RGSL1: variants seen among roughly 807,000 people sequenced by gnomAD.
RGSL1 encodes regulator of G protein signaling like 1.
RGSL1 carries 97 observed loss-of-function variants against 124.7 expected under a neutral mutation model. The observed-to-expected ratio is 0.78, with a 90% CI of 0.66 to 0.92. The LOEUF (loss-of-function observed/expected upper bound fraction) is 0.92. Ranked by LOEUF, RGSL1 falls within the 40% of genes least tolerant of loss-of-function variation. RGSL1 has a pLI of 0.00. For synonymous variants in RGSL1, 424 were observed against 438.1 expected, an observed-to-expected ratio of 0.97 and a Z score of 0.40; for missense variants, 1,233 against 1,288.4, an observed-to-expected ratio of 0.96 and a Z score of 0.66.
In RGSL1 at chr1:182,473,654, G is replaced by C; in HGVS notation, c.543G>C (p.Val181=). The C allele has an allele frequency of 6.4e-7, 1 of 1,551,704 alleles. No homozygotes were observed. Among genetic ancestry groups the C allele is most frequent in the South Asian group, 1.2e-5 (1 of 84,058 alleles). Residue 181 remains valine, a synonymous_variant, in exon 6 of 22, where the codon GTG becomes GTC. Coordinates refer to ENST00000294854, the MANE Select transcript of RGSL1 (RefSeq NM_001137669.2). The part of the protein sequence containing the change: ...RREILSHMQK[V]ALFKLQSYWL... Reference sequence around the variant, plus strand: ...AGATCCTGAGCCACATGCAGAAAGTGGCTCTGTTCAAACTCCAGAGCTATT... The same window carrying C: ...AGATCCTGAGCCACATGCAGAAAGTCGCTCTGTTCAAACTCCAGAGCTATT...
At chr1:182,463,757 A>G (rs1653045770) in intron 4 of RGSL1, among the ~76,000 whole-genome samples, 1 of 152,228 alleles carries the variant, frequency 6.6e-6, no homozygotes, top group Non-Finnish European at 1.5e-5. Context: ...AGACAATCCT[A>G]AAATAATCAT....
At chr1:182,525,498 T>C (rs1039432840) in intron 10 of RGSL1, among the ~76,000 whole-genome samples, 1 of 151,820 alleles carries the variant, frequency 6.6e-6, no homozygotes, top group Non-Finnish European at 1.5e-5. Context: ...ATAACTGAAA[T>C]GAAAAATTTA....
chr1:182,470,027 G>T (rs1275972218), intron 4 of RGSL1, among the ~76,000 whole-genome samples: 1 of 149,662 alleles, frequency 6.7e-6, no homozygotes, highest in African/African-American at 2.5e-5. Flanking sequence ...GGCAGTGACT[G>T]TTTAATGAGT....
At chr1:182,501,595 AGACGT>A (rs1175156600) in intron 9 of RGSL1, among the ~76,000 whole-genome samples, 32 of 152,008 alleles carry the variant, frequency 2.1e-4, no homozygotes, top group Admixed American at 1.9e-3. Context: ...CTGGGATTAC[AGACGT>A]GAGCCGCTAC....
chr1:182,554,619 C>G lies in RGSL1; in HGVS notation c.3131-8C>G. 6.4e-7 allele frequency: 1 copy of G among 1,551,404 alleles called. No homozygotes were observed. Among genetic ancestry groups the G allele is most frequent in the Non-Finnish European group, 8.7e-7 (1 of 1,146,862 alleles). ...CCTGATGCAATTTTTCTCTGTATTT[C>G]TCTTTAGCTTCATCAAGCAAACTTA... On this transcript the variant is annotated splice_region_variant and splice_polypyrimidine_tract_variant and intron_variant, in intron 19 of 21. Transcript: ENST00000294854.
intron 14 of RGSL1, among the ~76,000 whole-genome samples, chr1:182,536,861 C>T (rs796087550): frequency 6.6e-6 from 1 of 152,132 alleles, no homozygotes; most frequent in South Asian, 2.1e-4. Flanking sequence ...TATCTCCCAC[C>T]AGGTTCCTCC....
intron 9 of RGSL1, among the ~76,000 whole-genome samples, chr1:182,514,719 G>A (rs1049025976): frequency 6.6e-6 from 1 of 152,178 alleles, no homozygotes; most frequent in African/African-American, 2.4e-5. Flanking sequence ...CTAGGAGGGG[G>A]CAAGCATGAG....
At chr1:182,540,479 G>A (rs1033200909) in intron 15 of RGSL1, 58 bp downstream of exon 15, 1 of 1,479,186 alleles carries the variant, frequency 6.8e-7, no homozygotes, top group Non-Finnish European at 9.1e-7. Flanking sequence ...CCTTAGGACT[G>A]CCCAGCAGAA....
intron 9 of RGSL1, among the ~76,000 whole-genome samples, chr1:182,498,302 C>T (rs796626066): frequency 2.0e-5 from 3 of 152,254 alleles, no homozygotes; most frequent in African/African-American, 7.2e-5. Flanking sequence ...CATGCTCTTG[C>T]TTTTTTGTAT....
In RGSL1 at chr1:182,555,842, G is replaced by A. The variant is rs534037071; in HGVS notation, c.3198-182G>A. 5.2e-5 allele frequency: 32 copies of A among 619,372 alleles called. No individual in the cohort carries two copies. The South Asian group carries it at 5.3e-4, about 10-fold the overall frequency. The allele number at this position is 619,372 out of a possible 1,614,324, so 38.4% of individuals were successfully genotyped here. A position where few individuals can be genotyped will look rare whatever the true frequency, so the allele number is the denominator to read the frequency against. ...TGGAAAAGCAATGCATGGCTTCAGA[G>A]TTTATAAGGCCTTGGGGAAGAAGGT... On this transcript the variant is annotated intron_variant, in intron 20 of 21. Coordinates refer to ENST00000294854, the MANE Select transcript of RGSL1 (RefSeq NM_001137669.2).
chr1:182,530,319 T>C lies in RGSL1; in HGVS notation c.2201T>C (p.Leu734Ser). The C allele has an allele frequency of 6.4e-7, 1 of 1,551,114 alleles. No homozygotes were observed. The highest frequency in any genetic ancestry group is 2.4e-5 in the East Asian group (1 of 40,912). The change falls in exon 12 of 22, where the codon TTA (leucine) becomes TCA (serine). Residue 734 changes from leucine to serine, a missense_variant. Transcript: ENST00000294854. ...SMRHVTTSTLLTLQGHVMKSI... is the reference protein window; with the variant it reads ...SMRHVTTSTLSTLQGHVMKSI... The stretch of plus-strand genomic sequence containing the variant: ...CGTCATGTCACCACAAGCACACTGT[T>C]AACGCTCCAGGGACATGTTATGAAA...
chr1:182,554,226 A>C (rs1163290664), intron 19 of RGSL1, among the ~76,000 whole-genome samples: 1 of 152,170 alleles, frequency 6.6e-6, no homozygotes, highest in Non-Finnish European at 1.5e-5. Context: ...AGCATACCTG[A>C]CCTGCCCATT....
Position 182,556,058 on chromosome 1 carries a change from T to A in RGSL1, c.*1T>A. ...ATCCTACATCAAAAAAGAGAAGTAA[T>A]CAAGCGAGACCCCCAGCAGAGATAA... On this transcript the variant is annotated 3_prime_UTR_variant, in exon 21 of 22. Coordinates refer to ENST00000294854, the MANE Select transcript of RGSL1 (RefSeq NM_001137669.2). The A allele has an allele frequency of 6.4e-7, 1 of 1,551,386 alleles. No individual in the cohort carries two copies. Among genetic ancestry groups the A allele is most frequent in the Non-Finnish European group, 8.7e-7 (1 of 1,146,758 alleles).
intron 6 of RGSL1, among the ~76,000 whole-genome samples, chr1:182,484,273 C>G (rs1053219454): frequency 7.9e-5 from 12 of 152,070 alleles, no homozygotes; most frequent in African/African-American, 2.9e-4. Flanking sequence ...CTGGAATGCA[C>G]AGCTGCTCAG....
At chr1:182,469,088 CA>C (rs1448009351) in intron 4 of RGSL1, among the ~76,000 whole-genome samples, 1 of 151,870 alleles carries the variant, frequency 6.6e-6, no homozygotes, top group Admixed American at 6.6e-5. Flanking sequence ...TTATGGAGGA[CA>C]AAATGTTCAC....
intron 1 of RGSL1, chr1:182,453,503 A>G: frequency 6.4e-6 from 1 of 155,504 alleles, no homozygotes; most frequent in Non-Finnish European, 1.4e-5. Context: ...AGAGAAGGCC[A>G]TGTGAGGAAT....
chr1:182,541,209 A>G (rs1659872062), intron 15 of RGSL1, among the ~76,000 whole-genome samples: 1 of 152,108 alleles, frequency 6.6e-6, no homozygotes, highest in African/African-American at 2.4e-5. Flanking sequence ...CTAACTGTGT[A>G]TTTGTACCTC....
At chr1:182,455,824 T>C (rs551235329) in intron 2 of RGSL1, among the ~76,000 whole-genome samples, 150 of 152,214 alleles carry the variant, frequency 9.9e-4, no homozygotes, top group Non-Finnish European at 2.0e-3. Flanking sequence ...TCAGGCAAAC[T>C]ATGCCTAGGA....
chr1:182,496,900 G>A (rs1006911442), intron 9 of RGSL1, among the ~76,000 whole-genome samples: 1 of 151,092 alleles, frequency 6.6e-6, no homozygotes, highest in African/African-American at 2.4e-5. Context: ...TTTCTTTACT[G>A]ATATAGTGGA....
Sources: allele counts gnomAD v4.1 joint callset (sites outside exome capture counted in the v4.1 genomes callset), GRCh38; gene constraint gnomAD v4.1.1; transcripts MANE v1.5; gene names NCBI Gene and HGNC (gene_info 2026-07-23, HGNC 2026-07-21).